Variants in TGFB2 observed in about 807,000 individuals in gnomAD.
TGFB2 encodes transforming growth factor beta-2 proprotein.
Under a neutral mutation model 42.7 loss-of-function variants are expected in TGFB2, and 13 were observed. That is an observed-to-expected ratio of 0.30 (90% CI 0.20 to 0.48). TGFB2 has a LOEUF of 0.48. TGFB2 is among the 20% of genes least tolerant of loss of function. TGFB2 has a pLI of 0.99. For missense variants in TGFB2, 390 were observed against 517.5 expected, an observed-to-expected ratio of 0.75 and a Z score of 2.39; for synonymous variants, 193 against 193.6, an observed-to-expected ratio of 1.00 and a Z score of 0.03.
chr1:218,355,801 T>C (rs1480596033), intron 1 of TGFB2, among the ~76,000 whole-genome samples: 1 of 152,232 alleles, frequency 6.6e-6, no homozygotes, highest in African/African-American at 2.4e-5. Flanking sequence ...CAAAGAAATA[T>C]CACTGCCCAT....
intron 1 of TGFB2, among the ~76,000 whole-genome samples, chr1:218,377,063 T>TA (rs569831585): frequency 2.7e-3 from 402 of 149,970 alleles, no homozygotes; most frequent in African/African-American, 8.6e-3. Flanking sequence ...CTGGCTAATT[T>TA]AAAAAAAAAA....
At chr1:218,351,832 A>G (rs988095334) in intron 1 of TGFB2, among the ~76,000 whole-genome samples, 6 of 152,230 alleles carry the variant, frequency 3.9e-5, no homozygotes, top group Admixed American at 3.9e-4. Context: ...AGCATCTTTC[A>G]TATAAAGATA....
At chr1:218,349,393 C>T (rs1017456669) in intron 1 of TGFB2, among the ~76,000 whole-genome samples, 3 of 152,156 alleles carry the variant, frequency 2.0e-5, no homozygotes, top group African/African-American at 7.2e-5. Flanking sequence ...ATTGAAAGTA[C>T]AGCATTGGCT....
intron 6 of TGFB2, 50 bp downstream of exon 6, chr1:218,437,546 C>T (rs375898059): frequency 2.0e-5 from 31 of 1,536,050 alleles, no homozygotes; most frequent in Non-Finnish European, 2.7e-5. Flanking sequence ...ACCATGTGCA[C>T]CTGCTGATAG....
chr1:218,416,239 C>A (rs1417748796), intron 2 of TGFB2, among the ~76,000 whole-genome samples: 1 of 151,996 alleles, frequency 6.6e-6, no homozygotes, highest in African/African-American at 2.4e-5. Context: ...CCTGCTCCAC[C>A]ACCACACAAA....
At chr1:218,440,792 C>T (rs1660126869) in intron 6 of TGFB2, among the ~76,000 whole-genome samples, 1 of 152,142 alleles carries the variant, frequency 6.6e-6, no homozygotes, top group Non-Finnish European at 1.5e-5. Context: ...GAAATGTATA[C>T]TCAAGAAACA....
intron 1 of TGFB2, among the ~76,000 whole-genome samples, chr1:218,395,190 G>A (rs942156398): frequency 6.6e-6 from 1 of 152,156 alleles, no homozygotes; most frequent in Non-Finnish European, 1.5e-5. Context: ...AGGCACCAAT[G>A]TATGGGGATC....
intron 1 of TGFB2, among the ~76,000 whole-genome samples, chr1:218,351,663 G>C (rs1656871438): frequency 6.6e-6 from 1 of 152,150 alleles, no homozygotes; most frequent in Non-Finnish European, 1.5e-5. Flanking sequence ...GAGGGGCTTT[G>C]CAGAGGTTGA....
At chr1:218,420,949 A>G (rs1234092418) in intron 2 of TGFB2, among the ~76,000 whole-genome samples, 1 of 152,184 alleles carries the variant, frequency 6.6e-6, no homozygotes, top group Non-Finnish European at 1.5e-5. Context: ...TCTTAGACAG[A>G]TGCAATTATA....
At chr1:218,409,233 G>A (rs931325115) in intron 2 of TGFB2, among the ~76,000 whole-genome samples, 16 of 152,176 alleles carry the variant, frequency 1.1e-4, no homozygotes, top group African/African-American at 3.1e-4. Flanking sequence ...GACCTGTACC[G>A]TCCAGGTTGG....
At chr1:218,351,405 G>T (rs567187763) in intron 1 of TGFB2, among the ~76,000 whole-genome samples, 29 of 152,250 alleles carry the variant, frequency 1.9e-4, no homozygotes, top group African/African-American at 5.5e-4. Context: ...ATATACAACA[G>T]ACCAAACTTT....
At chr1:218,432,496 A>T (rs993056128) in intron 2 of TGFB2, among the ~76,000 whole-genome samples, 2 of 152,178 alleles carry the variant, frequency 1.3e-5, no homozygotes, top group African/African-American at 4.8e-5. Flanking sequence ...TCCAGAAAAA[A>T]GTCTACCATT....
chr1:218,398,690 C>T (rs1457918301), intron 1 of TGFB2, among the ~76,000 whole-genome samples: 2 of 151,972 alleles, frequency 1.3e-5, no homozygotes, highest in Non-Finnish European at 2.9e-5. Context: ...CGGGTTCAAG[C>T]GATTCTCCTA....
At chr1:218,361,133 G>A (rs1168144885) in intron 1 of TGFB2, among the ~76,000 whole-genome samples, 3 of 152,202 alleles carry the variant, frequency 2.0e-5, no homozygotes, top group African/African-American at 4.8e-5. Context: ...GATTATAGGC[G>A]TGAGCCACCG....
At chr1:218,352,290 T>TG (rs1161054102) in intron 1 of TGFB2, among the ~76,000 whole-genome samples, 1 of 152,178 alleles carries the variant, frequency 6.6e-6, no homozygotes, top group African/African-American at 2.4e-5. Context: ...CAGATGTGCT[T>TG]GCTCTATTTA....
At chr1:218,354,065 T>C (rs1257325527) in intron 1 of TGFB2, among the ~76,000 whole-genome samples, 1 of 152,248 alleles carries the variant, frequency 6.6e-6, no homozygotes, top group Middle Eastern at 3.2e-3. Flanking sequence ...GATCTAACTC[T>C]GTTCTGGGCT....
intron 2 of TGFB2, among the ~76,000 whole-genome samples, chr1:218,414,069 A>G (rs1314294421): frequency 6.6e-6 from 1 of 152,214 alleles, no homozygotes; most frequent in African/African-American, 2.4e-5. Context: ...CACGTTCTTA[A>G]GGTTTCATAG....
At chr1:218,411,626 T>A (rs992040868) in intron 2 of TGFB2, among the ~76,000 whole-genome samples, 8 of 152,142 alleles carry the variant, frequency 5.3e-5, no homozygotes, top group African/African-American at 1.7e-4. Context: ...TCCCAGCACT[T>A]TGAGAGGCTG....
At chr1:218,435,137 C>T (rs1004500841) in intron 4 of TGFB2, among the ~76,000 whole-genome samples, 1 of 152,100 alleles carries the variant, frequency 6.6e-6, no homozygotes, top group Admixed American at 6.5e-5. Flanking sequence ...GCCTATGTGC[C>T]GATACAGCAT....
Sources: gnomAD v4.1 joint callset for allele counts (sites outside exome capture counted in the v4.1 genomes callset) on GRCh38, gnomAD v4.1.1 for gene constraint, MANE v1.5 for transcripts, NCBI Gene and HGNC (gene_info 2026-07-23, HGNC 2026-07-21) for gene names.